Variants in STK32A observed in about 807,000 individuals in gnomAD.
STK32A encodes serine/threonine-protein kinase 32A.
A neutral mutation model predicts 53.2 loss-of-function variants in STK32A; 41 were observed. The ratio of observed to expected loss-of-function variants is 0.77; its 90% confidence interval spans 0.60 to 1.00. STK32A has a LOEUF of 1.00. Among genes scored for constraint, STK32A ranks in the 50% least tolerant of loss-of-function variants. STK32A has a pLI of 0.00. For missense variants in STK32A, 458 were observed against 485.8 expected (o/e 0.94, Z 0.54); for synonymous variants, 166 against 162.8 (o/e 1.02, Z -0.15).
At chr5:147,328,467 C>T (rs1407770679) in intron 5 of STK32A, among the ~76,000 whole-genome samples, 1 of 152,114 alleles carries the variant, frequency 6.6e-6, no homozygotes, top group African/African-American at 2.4e-5. Flanking sequence ...TCTTTTCTAT[C>T]GTTGTTAAAG....
At chr5:147,331,232 A>G (rs1754856351) in intron 5 of STK32A, among the ~76,000 whole-genome samples, 1 of 152,186 alleles carries the variant, frequency 6.6e-6, no homozygotes, top group Admixed American at 6.5e-5. Context: ...CAAAGCACCT[A>G]TGTCACTTTT....
chr5:147,250,429 C>G (rs920043552), intron 2 of STK32A, among the ~76,000 whole-genome samples: 6 of 152,244 alleles, frequency 3.9e-5, no homozygotes, highest in African/African-American at 1.4e-4. Context: ...GGATAGCAAT[C>G]TAGCTATGGA....
chr5:147,347,366 G>A (rs1365164635), intron 6 of STK32A, among the ~76,000 whole-genome samples: 1 of 151,622 alleles, frequency 6.6e-6, no homozygotes, highest in Admixed American at 6.6e-5. Flanking sequence ...TGGTAAATTA[G>A]GAAGTTCTGA....
At chr5:147,260,941 T>C (rs545636022) in intron 2 of STK32A, among the ~76,000 whole-genome samples, 2 of 152,244 alleles carry the variant, frequency 1.3e-5, no homozygotes, top group African/African-American at 2.4e-5. Flanking sequence ...GGAAGCACTT[T>C]ACCGGCTGCC....
intron 12 of STK32A, 150 bp from the exon 13 acceptor site, chr5:147,383,740 T>G: frequency 1.1e-6 from 1 of 906,046 alleles, no homozygotes; most frequent in Non-Finnish European, 1.6e-6. Flanking sequence ...GGAATTAGGA[T>G]TTAAACACTT....
At chr5:147,317,228 G>A (rs555022248) in intron 4 of STK32A, among the ~76,000 whole-genome samples, 2 of 151,034 alleles carry the variant, frequency 1.3e-5, no homozygotes, top group East Asian at 3.9e-4. Context: ...AAGAATTGTG[G>A]AATGTATAGA....
intron 2 of STK32A, among the ~76,000 whole-genome samples, chr5:147,240,848 T>C (rs1753540862): frequency 1.3e-5 from 2 of 152,232 alleles, no homozygotes; most frequent in South Asian, 2.1e-4. Context: ...TTTTTCCCTC[T>C]CTTCCCATTT....
chr5:147,353,995 C>G (rs2151994783), intron 7 of STK32A, among the ~76,000 whole-genome samples: 1 of 128,804 alleles, frequency 7.8e-6, no homozygotes, highest in East Asian at 2.6e-4. Context: ...TTCTCTTCCC[C>G]CATGTAACTA....
rs1275663131 is a variant in STK32A at position 147,314,185 on chromosome 5, C to T, written c.261-9713C>T. 1.3e-5 allele frequency among the ~76,000 whole-genome samples: 2 copies of T among 152,034 alleles called. 1 individual carries two copies. The highest frequency in any genetic ancestry group is 1.3e-4 in the Admixed American group (2 of 15,276). On this transcript the variant is annotated intron_variant, in intron 4 of 12. Transcript: ENST00000397936. ...AAAATATTTGCAAATCATATATCTA[C>T]TAAAGGATGTGCATTTACAATATAC...
intron 2 of STK32A, among the ~76,000 whole-genome samples, chr5:147,257,608 A>T (rs11167982): frequency 1.3e-5 from 2 of 151,896 alleles, no homozygotes; most frequent in African/African-American, 4.8e-5. Context: ...TGGAGGGGGC[A>T]GCGCTTTCTT....
chr5:147,283,969 A>G (rs1752193982), intron 4 of STK32A, among the ~76,000 whole-genome samples: 1 of 152,142 alleles, frequency 6.6e-6, no homozygotes, highest in Non-Finnish European at 1.5e-5. Flanking sequence ...AACATAACCT[A>G]AAAAGAAAAC....
At chr5:147,273,668 C>T (rs769012359) in intron 2 of STK32A, among the ~76,000 whole-genome samples, 14 of 152,122 alleles carry the variant, frequency 9.2e-5, no homozygotes, top group Non-Finnish European at 1.6e-4. Flanking sequence ...AGTTAATGAG[C>T]CTTATTGGGT....
At chr5:147,339,294 G>A (rs535568350) in intron 5 of STK32A, among the ~76,000 whole-genome samples, 14 of 152,330 alleles carry the variant, frequency 9.2e-5, no homozygotes, top group South Asian at 2.1e-4. Flanking sequence ...GGTGGCTTAC[G>A]CATGGTGTTG....
the STK32A span, chr5:147,397,850 A>G: frequency 6.3e-7 from 1 of 1,595,346 alleles, no homozygotes; most frequent in Middle Eastern, 1.9e-4. Context: ...TGCCGCCTAG[A>G]GGCAGGGGTG....
rs138767662 is a variant in STK32A at position 147,362,226 on chromosome 5, T to C, written c.660+612T>C. On this transcript the variant is annotated intron_variant, in intron 8 of 12. Transcript: ENST00000397936. ...AGAAATACACTCCTTAGGTTATATC[T>C]CAGTCAGCTCTGCTTACCATAATAA... 4.9e-3 allele frequency among the ~76,000 whole-genome samples: 747 copies of C among 152,348 alleles called. 6 individuals are homozygous for C. Among genetic ancestry groups the C allele is most frequent in the African/African-American group, 0.017 (710 of 41,580 alleles).
chr5:147,278,210 G>A (rs1324221504), intron 3 of STK32A, 31 bp downstream of exon 3: 5 of 1,564,816 alleles, frequency 3.2e-6, no homozygotes, highest in African/African-American at 1.3e-5. Flanking sequence ...TTAACCACCA[G>A]CAGGGTTATG....
At chr5:147,320,609 T>G (rs1421377776) in intron 4 of STK32A, among the ~76,000 whole-genome samples, 1 of 152,204 alleles carries the variant, frequency 6.6e-6, no homozygotes, top group Non-Finnish European at 1.5e-5. Flanking sequence ...ATTTTCAAAC[T>G]TTGATAAATT....
chr5:147,375,205 G>A lies in STK32A; in HGVS notation c.1019G>A (p.Cys340Tyr), dbSNP rs1316117271. The change falls in exon 11 of 13, where the codon TGC (cysteine) becomes TAC (tyrosine). Residue 340 changes from cysteine (C) to tyrosine (Y), a missense_variant. Cys to Tyr is a radical substitution (Grantham distance 194). Transcript: ENST00000397936. ...LAKKEKDMRK[C>Y]DSSQTCLLQE... ...AAGAAGGAGAAGGATATGAGGAAAT[G>A]CGATTCTTCTCAGGTAAGCAGGTCC... 1.2e-6 allele frequency: 2 copies of A among 1,610,860 alleles called. No homozygotes were observed. The highest frequency in any genetic ancestry group is 1.7e-6 in the Non-Finnish European group (2 of 1,178,552).
At chr5:147,388,119 G>C (rs1287373861), downstream of STK32A, among the ~76,000 whole-genome samples, 2 of 152,184 alleles carry the variant, frequency 1.3e-5, no homozygotes, top group Non-Finnish European at 2.9e-5. Flanking sequence ...ACACAGCCCA[G>C]AATTCCAGTT....
Sources: allele counts gnomAD v4.1 joint callset (sites outside exome capture counted in the v4.1 genomes callset), GRCh38; gene constraint gnomAD v4.1.1; transcripts MANE v1.5; gene names NCBI Gene and HGNC (gene_info 2026-07-23, HGNC 2026-07-21).